The following RBFOX1 variants were observed in gnomAD, a reference collection of about 807,000 sequenced individuals.
The protein encoded by RBFOX1 is RNA binding fox-1 homolog 1, also known as RNA binding protein fox-1 homolog 1.
RBFOX1 carries 8 observed loss-of-function variants against 57.7 expected under a neutral mutation model. That is an observed-to-expected ratio of 0.14 (90% CI 0.08 to 0.25). The LOEUF (loss-of-function observed/expected upper bound fraction) is 0.25. Ranked by LOEUF, RBFOX1 falls within the 10% of genes least tolerant of loss-of-function variation. The pLI is 1.00. For synonymous variants in RBFOX1, 326 were observed against 222.4 expected (o/e 1.47, Z -4.15); for missense variants, 611 against 548.5 (o/e 1.11, Z -1.14).
intron 3 of RBFOX1, among the ~76,000 whole-genome samples, chr16:6,933,668 G>A (rs541019664): frequency 3.9e-5 from 6 of 152,328 alleles, no homozygotes; most frequent in South Asian, 2.1e-4. Context: ...AGTCAAGATC[G>A]TATGACTGCA....
intron 1 of RBFOX1, among the ~76,000 whole-genome samples, chr16:5,279,411 A>T (rs2063216918): frequency 6.6e-6 from 1 of 151,854 alleles, no homozygotes; most frequent in Non-Finnish European, 1.5e-5. Flanking sequence ...CTAGTTTGTT[A>T]GTGGTATATA....
At chr16:7,308,490 A>G (rs1402158264) in intron 4 of RBFOX1, among the ~76,000 whole-genome samples, 1 of 152,190 alleles carries the variant, frequency 6.6e-6, no homozygotes, top group African/African-American at 2.4e-5. Flanking sequence ...TAAAATCCAC[A>G]TTAGAGGGGG....
intron 3 of RBFOX1, among the ~76,000 whole-genome samples, chr16:5,717,945 G>T (rs1442026502): frequency 6.6e-6 from 1 of 152,176 alleles, no homozygotes; most frequent in Non-Finnish European, 1.5e-5. Context: ...TCAGTTGAAT[G>T]CTTGATCACA....
At chr16:7,615,249 C>T (rs1224993358) in intron 10 of RBFOX1, among the ~76,000 whole-genome samples, 13 of 152,068 alleles carry the variant, frequency 8.5e-5, no homozygotes, top group Admixed American at 4.6e-4. Context: ...AGGAGAATGG[C>T]GTGAACCTGG....
intron 1 of RBFOX1, among the ~76,000 whole-genome samples, chr16:6,255,104 G>A (rs192513450): frequency 6.6e-6 from 1 of 152,196 alleles, no homozygotes; most frequent in East Asian, 1.9e-4. Flanking sequence ...AGCTCAGCAG[G>A]CTGGGGAGAG....
At chr16:6,676,822 C>T (rs1242570096) in intron 3 of RBFOX1, among the ~76,000 whole-genome samples, 1 of 151,582 alleles carries the variant, frequency 6.6e-6, no homozygotes. Flanking sequence ...ATTACAGGCA[C>T]CCGCCACCAC....
chr16:6,535,586 C>A (rs1288470148), intron 2 of RBFOX1, among the ~76,000 whole-genome samples: 1 of 152,158 alleles, frequency 6.6e-6, no homozygotes, highest in Non-Finnish European at 1.5e-5. Flanking sequence ...GTCACAAATG[C>A]TTAAATGATT....
chr16:5,277,458 G>A (rs1272170138), intron 1 of RBFOX1, among the ~76,000 whole-genome samples: 1 of 97,402 alleles, frequency 1.0e-5, no homozygotes, highest in East Asian at 2.6e-4. Context: ...ATAAAAAAAA[G>A]AAATATACAA....
chr16:6,862,680 T>A (rs11645748), intron 3 of RBFOX1, among the ~76,000 whole-genome samples: 32,641 of 151,908 alleles, frequency 0.21, 4,360 homozygotes, highest in Admixed American at 0.36. Context: ...GAGGTAGAAT[T>A]GGAATCATCA....
At chr16:5,714,482 G>A (rs561671289) in intron 3 of RBFOX1, among the ~76,000 whole-genome samples, 2 of 152,304 alleles carry the variant, frequency 1.3e-5, no homozygotes, top group South Asian at 4.1e-4. Context: ...CATCAGACAT[G>A]TGAGCGAGCC....
At chr16:5,929,033 T>A (rs56198631) in intron 4 of RBFOX1, among the ~76,000 whole-genome samples, 90 of 127,034 alleles carry the variant, frequency 7.1e-4, no homozygotes, top group Middle Eastern at 4.3e-3. Context: ...CTTTCCAATT[T>A]AAAAAAAAAA....
chr16:7,132,240 C>CA (rs2070677366), intron 4 of RBFOX1, among the ~76,000 whole-genome samples: 1 of 152,038 alleles, frequency 6.6e-6, no homozygotes, highest in Non-Finnish European at 1.5e-5. Context: ...CTCGGCCTCC[C>CA]AAAGTGCTGG....
rs569784224 is a variant in RBFOX1, at chr16:7,478,087, C to T, written c.28-40060C>T. Among the ~76,000 whole-genome samples the T allele has an allele frequency of 1.5e-4, 23 of 152,232 alleles. No individual in the cohort carries two copies. The East Asian group carries it at 4.2e-3, about 28-fold the overall frequency. Reference sequence around the variant, plus strand: ...TTTCAAATGGATAAGCACTTGCAACCCGATGATTAAGGAGTGCAGTTGAAT... The same window carrying T: ...TTTCAAATGGATAAGCACTTGCAACTCGATGATTAAGGAGTGCAGTTGAAT... On this transcript the variant is annotated intron_variant, in intron 4 of 15. Coordinates refer to ENST00000550418, the MANE Select transcript of RBFOX1 (RefSeq NM_018723.4).
chr16:6,673,774 G>T (rs192943798), intron 3 of RBFOX1, among the ~76,000 whole-genome samples: 9 of 152,232 alleles, frequency 5.9e-5, no homozygotes, highest in African/African-American at 1.7e-4. Flanking sequence ...GAGATAAGTC[G>T]CATATTCCTA....
rs370038039 is a variant in RBFOX1 at position 6,135,034 on chromosome 16, C to G, written c.-127+115042C>G. 1.5e-3 allele frequency among the ~76,000 whole-genome samples: 235 copies of G among 152,200 alleles called. 2 individuals are homozygous for G. The highest frequency in any genetic ancestry group is 4.9e-3 in the African/African-American group (202 of 41,516). Reference sequence around the variant, plus strand: ...CTACAGGCCCCGGTGTATGATGTTCCCCTTCCTGTGTCCAAGTGTTCTCGT... The same window carrying G: ...CTACAGGCCCCGGTGTATGATGTTCGCCTTCCTGTGTCCAAGTGTTCTCGT... On this transcript the variant is annotated intron_variant, in intron 1 of 15. Transcript: ENST00000550418.
intron 1 of RBFOX1, among the ~76,000 whole-genome samples, chr16:5,245,415 G>T (rs1164265895): frequency 6.6e-6 from 1 of 152,152 alleles, no homozygotes; most frequent in Non-Finnish European, 1.5e-5. Context: ...CTGGAGACTC[G>T]GGCTTGGGAG....
intron 3 of RBFOX1, among the ~76,000 whole-genome samples, chr16:6,797,602 C>T (rs1331606631): frequency 6.6e-6 from 1 of 152,086 alleles, no homozygotes; most frequent in African/African-American, 2.4e-5. Flanking sequence ...AGAAATGAAA[C>T]AGCACCAGCA....
rs117184936 is a variant in RBFOX1, at chr16:6,484,433, T to A, written c.-64+167376T>A. Among the ~76,000 whole-genome samples, 747 of 144,564 alleles carry A rather than the reference T, an allele frequency of 5.2e-3. 24 individuals are homozygous for A. In the East Asian group the frequency reaches 0.1, roughly 19 times the overall value. The allele number at this position is 144,564 out of a possible 152,430, so 94.8% of individuals were successfully genotyped here. A position where few individuals can be genotyped will look rare whatever the true frequency, so the allele number is the denominator to read the frequency against. ...TTGACAATACTGAACACGCTTCGAC[T>A]TGAGAAATAAGCTCTGTACCATTTT... On this transcript the variant is annotated intron_variant, in intron 2 of 15. Transcript: ENST00000550418.
chr16:6,553,142 C>T (rs2097023729), intron 2 of RBFOX1, among the ~76,000 whole-genome samples: 2 of 152,130 alleles, frequency 1.3e-5, no homozygotes, highest in South Asian at 4.1e-4. Flanking sequence ...TCATGGAAGT[C>T]AGTTCTGTTA....
Sources: gnomAD v4.1 joint callset for allele counts (sites outside exome capture counted in the v4.1 genomes callset) on GRCh38, gnomAD v4.1.1 for gene constraint, MANE v1.5 for transcripts, NCBI Gene and HGNC (gene_info 2026-07-23, HGNC 2026-07-21) for gene names.